TRIM16: variants seen among roughly 807,000 people sequenced by gnomAD.
TRIM16 encodes tripartite motif-containing protein 16.
TRIM16 carries 33 observed loss-of-function variants against 50.4 expected under a neutral mutation model. The observed-to-expected ratio is 0.65, with a 90% CI of 0.50 to 0.88. The LOEUF (loss-of-function observed/expected upper bound fraction) is 0.88. TRIM16 is among the 40% of genes least tolerant of loss of function. The probability of loss-of-function intolerance (pLI) is 0.00; values close to 1 mark genes in which losing one functional copy is unlikely to be tolerated. For synonymous variants in TRIM16, 229 were observed against 270.7 expected, an observed-to-expected ratio of 0.85 and a Z score of 1.51; for missense variants, 581 against 686.8, an observed-to-expected ratio of 0.85 and a Z score of 1.72.
intron 6 of TRIM16, among the ~76,000 whole-genome samples, chr17:15,675,881 T>C (rs1046888854): frequency 6.7e-6 from 1 of 150,184 alleles, no homozygotes; most frequent in Non-Finnish European, 1.5e-5. Context: ...TTTTTGCAGA[T>C]ACTTGAATGT....
chr17:15,677,836 G>C (rs1445748360), intron 4 of TRIM16, 115 bp from the exon 5 acceptor site: 1 of 873,214 alleles, frequency 1.1e-6, no homozygotes, highest in Admixed American at 6.2e-5. Context: ...GTATATTAAA[G>C]AATCTTAAAA....
At chr17:15,668,225 G>A (rs1207486187) in intron 6 of TRIM16, among the ~76,000 whole-genome samples, 1 of 152,198 alleles carries the variant, frequency 6.6e-6, no homozygotes, top group African/African-American at 2.4e-5. Context: ...ACAGAAAGTT[G>A]GGTGATCATG....
chr17:15,651,860 C>T lies in TRIM16; in HGVS notation c.-251G>A. 1 of 1,415,394 alleles carries T rather than the reference C, an allele frequency of 7.1e-7. No individual in the cohort carries two copies. The highest frequency in any genetic ancestry group is 2.6e-4 in the Middle Eastern group (1 of 3,920). 87.7% of individuals were successfully genotyped at this position (1,415,394 alleles called of 1,614,324 possible). On this transcript the variant is annotated 5_prime_UTR_variant, in exon 7 of 12. Coordinates refer to ENST00000649191, the MANE Select transcript of TRIM16 (RefSeq NM_001348119.1). ...GCCGGCTCAGGCTCAGGCTGCCTCCCCAGGTCCAGCCCTGAAACTTCTATT... is the reference window on the plus strand; with the variant it reads ...GCCGGCTCAGGCTCAGGCTGCCTCCTCAGGTCCAGCCCTGAAACTTCTATT...
intron 6 of TRIM16, among the ~76,000 whole-genome samples, chr17:15,661,864 T>C (rs1216860330): frequency 1.2e-4 from 19 of 152,296 alleles, no homozygotes; most frequent in East Asian, 1.9e-4. Flanking sequence ...AAGCTTATAA[T>C]TAACTCCTTC....
At chr17:15,664,733 C>A (rs1479189270) in intron 6 of TRIM16, among the ~76,000 whole-genome samples, 1 of 151,724 alleles carries the variant, frequency 6.6e-6, no homozygotes, top group Non-Finnish European at 1.5e-5. Flanking sequence ...TCTGCTGCCC[C>A]GACCAAGAAC....
chr17:15,682,000 T>C (rs1989202735), intron 3 of TRIM16, among the ~76,000 whole-genome samples: 3 of 152,316 alleles, frequency 2.0e-5, no homozygotes, highest in Admixed American at 2.0e-4. Flanking sequence ...CTTTACATCC[T>C]GGCACTGTGT....
chr17:15,658,770 C>G, intron 6 of TRIM16: 3 of 984,192 alleles, frequency 3.0e-6, no homozygotes, highest in Non-Finnish European at 3.6e-6. Context: ...CATCACTCCT[C>G]TAGAAACCAG....
chr17:15,643,163 C>G, intron 7 of TRIM16: 1 of 947,480 alleles, frequency 1.1e-6, no homozygotes, highest in Non-Finnish European at 1.3e-6. Context: ...GATCCCTCCT[C>G]TCAGCAAAGG....
intron 4 of TRIM16, among the ~76,000 whole-genome samples, chr17:15,679,407 C>T: frequency 6.6e-6 from 1 of 151,950 alleles, no homozygotes; most frequent in East Asian, 1.9e-4. Flanking sequence ...AATCTGAGGC[C>T]TCACGTGGTT....
chr17:15,639,216 T>A (rs1987005100), intron 8 of TRIM16, among the ~76,000 whole-genome samples: 1 of 144,286 alleles, frequency 6.9e-6, no homozygotes, highest in African/African-American at 2.6e-5. Flanking sequence ...CAACTAATTT[T>A]TATATTTTTT....
intron 8 of TRIM16, among the ~76,000 whole-genome samples, chr17:15,636,587 T>C (rs1274401508): frequency 6.7e-6 from 1 of 148,782 alleles, no homozygotes; most frequent in African/African-American, 2.5e-5. Flanking sequence ...ATGTGTGTAT[T>C]CAGTCTACTT....
chr17:15,676,778 T>C (rs899978554), intron 6 of TRIM16, among the ~76,000 whole-genome samples: 5 of 152,306 alleles, frequency 3.3e-5, no homozygotes, highest in Middle Eastern at 3.4e-3. Context: ...CTCTCAAATC[T>C]ACACAACAAA....
Position 15,648,239 on chromosome 17 carries a change from AAC to A in TRIM16, c.519+2850_519+2851del, listed in dbSNP as rs1464301578. Among the ~76,000 whole-genome samples the A allele has an allele frequency of 2.2e-3, 323 of 149,046 alleles. 1 individual carries two copies. Among genetic ancestry groups the A allele is most frequent in the African/African-American group, 8.1e-3 (314 of 38,866 alleles). ...AGACTCCGTCTCAAAAAAAAAAAAA[AAC>A]AAAAAACAAACAAACAAACAAACAA... On this transcript the variant is annotated intron_variant, in intron 7 of 11. Transcript: ENST00000649191.
chr17:15,679,457 T>G (rs530366543), intron 4 of TRIM16, among the ~76,000 whole-genome samples: 3 of 152,292 alleles, frequency 2.0e-5, no homozygotes, highest in South Asian at 2.1e-4. Flanking sequence ...CAGTGGGAAG[T>G]AAGTCTAACA....
At chr17:15,670,849 T>A (rs1490097316) in intron 6 of TRIM16, among the ~76,000 whole-genome samples, 1 of 152,274 alleles carries the variant, frequency 6.6e-6, no homozygotes. Flanking sequence ...TTACTGTATT[T>A]CTAGGGTTTT....
intron 7 of TRIM16, among the ~76,000 whole-genome samples, chr17:15,649,955 C>T (rs1346685439): frequency 6.6e-6 from 1 of 152,184 alleles, no homozygotes; most frequent in Non-Finnish European, 1.5e-5. Flanking sequence ...TACCTGTCCT[C>T]CTGATGGGAC....
chr17:15,675,818 C>T (rs568200462), intron 6 of TRIM16, among the ~76,000 whole-genome samples: 3 of 147,272 alleles, frequency 2.0e-5, no homozygotes, highest in African/African-American at 7.4e-5. Context: ...TATATATTTG[C>T]ATATATAATA....
rs530269885 is a variant in TRIM16 at position 15,641,287 on chromosome 17, C to G, written c.615+1434G>C. On this transcript the variant is annotated intron_variant, in intron 8 of 11. Transcript: ENST00000649191. Reference sequence around the variant, plus strand: ...GGCCTCAATACATTCAAGGAGCCAGCAGGTAATGGTTTAAAGATTTGAGGA... The same window carrying G: ...GGCCTCAATACATTCAAGGAGCCAGGAGGTAATGGTTTAAAGATTTGAGGA... 1.4e-4 allele frequency among the ~76,000 whole-genome samples: 21 copies of G among 148,780 alleles called. 3 individuals are homozygous for G. The South Asian group carries it at 4.6e-3, about 32-fold the overall frequency.
chr17:15,679,054 T>C (rs1239753480), intron 4 of TRIM16, among the ~76,000 whole-genome samples: 1 of 152,092 alleles, frequency 6.6e-6, no homozygotes, highest in Non-Finnish European at 1.5e-5. Flanking sequence ...TTTTTTTGTA[T>C]TTTTAGTAGA....
Sources: gnomAD v4.1 joint callset for allele counts (sites outside exome capture counted in the v4.1 genomes callset) on GRCh38, gnomAD v4.1.1 for gene constraint, MANE v1.5 for transcripts, NCBI Gene and HGNC (gene_info 2026-07-23, HGNC 2026-07-21) for gene names.